The following BCR variants were observed in gnomAD, a reference collection of about 807,000 sequenced individuals.
BCR encodes the protein breakpoint cluster region protein.
Under a neutral mutation model 138.6 loss-of-function variants are expected in BCR, and 58 were observed. That is an observed-to-expected ratio of 0.42 (90% confidence interval 0.34 to 0.52). BCR has a LOEUF of 0.52. BCR is among the 20% of genes least tolerant of loss of function. The probability of loss-of-function intolerance (pLI) is 0.06; values close to 1 mark genes in which losing one functional copy is unlikely to be tolerated. For missense variants in BCR, 1,599 were observed against 1,727.2 expected, an observed-to-expected ratio of 0.93 and a Z score of 1.32; for synonymous variants, 786 against 730.1, an observed-to-expected ratio of 1.08 and a Z score of -1.23.
intron 1 of BCR, among the ~76,000 whole-genome samples, chr22:23,211,116 A>G (rs1218713440): frequency 6.6e-6 from 1 of 152,034 alleles, no homozygotes; most frequent in Admixed American, 6.6e-5. Context: ...GCCTCTGTGG[A>G]TTTGTCTTTT....
intron 1 of BCR, among the ~76,000 whole-genome samples, chr22:23,202,264 T>C (rs1369702598): frequency 2.6e-5 from 4 of 152,174 alleles, no homozygotes; most frequent in African/African-American, 4.8e-5. Context: ...AAGCAGCCAA[T>C]TTAATGGGTT....
At chr22:23,242,366 T>C (rs1438587419) in intron 1 of BCR, among the ~76,000 whole-genome samples, 3 of 152,128 alleles carry the variant, frequency 2.0e-5, no homozygotes, top group South Asian at 2.1e-4. Context: ...GGCTATTTTC[T>C]CCCCTGGTTC....
chr22:23,246,832 A>G (rs2073162948), intron 1 of BCR, among the ~76,000 whole-genome samples: 1 of 152,024 alleles, frequency 6.6e-6, no homozygotes, highest in Non-Finnish European at 1.5e-5. Context: ...ACCTCCCTGA[A>G]GCACTACGGG....
intron 4 of BCR, chr22:23,263,229 G>GTGC: frequency 2.0e-6 from 2 of 1,003,340 alleles, no homozygotes; most frequent in Non-Finnish European, 2.9e-6. Flanking sequence ...CCTGCCGGAA[G>GTGC]TGCTGCTGCT....
In BCR at chr22:23,224,416, C is replaced by T. The variant is rs10470285; in HGVS notation, c.1280-29383C>T. ...TGTGCCTCCAGGAGAGTCAAACTGC[C>T]GCCTTGCTCTGAGCCATCTCAAAGT... On this transcript the variant is annotated intron_variant, in intron 1 of 22. Coordinates refer to ENST00000305877, the MANE Select transcript of BCR (RefSeq NM_004327.4). Among the ~76,000 whole-genome samples the T allele has an allele frequency of 4.3e-3, 660 of 152,252 alleles. 5 individuals carry two copies. Among genetic ancestry groups the T allele is most frequent in the African/African-American group, 0.015 (628 of 41,530 alleles).
intron 8 of BCR, among the ~76,000 whole-genome samples, chr22:23,278,052 C>T (rs2073599441): frequency 1.3e-5 from 2 of 152,334 alleles, no homozygotes; most frequent in Admixed American, 1.3e-4. Context: ...GGGTGGCGCT[C>T]ATTTGTTTAG....
At chr22:23,269,490 T>G (rs2073484360) in intron 5 of BCR, among the ~76,000 whole-genome samples, 1 of 152,224 alleles carries the variant, frequency 6.6e-6, no homozygotes, top group Admixed American at 6.5e-5. Flanking sequence ...CTGTCACCCC[T>G]GGGCTTTGTT....
At chr22:23,289,870 G>A in intron 13 of BCR, 1 of 559,086 alleles carries the variant, frequency 1.8e-6, no homozygotes, top group Non-Finnish European at 3.2e-6. Flanking sequence ...CTAGTCACAA[G>A]GCTGCAGCAG....
chr22:23,212,466 C>T (rs1051651867), intron 1 of BCR, among the ~76,000 whole-genome samples: 1 of 152,250 alleles, frequency 6.6e-6, no homozygotes, highest in African/African-American at 2.4e-5. Flanking sequence ...ACACTGGCTT[C>T]TGGGAAGCTT....
intron 1 of BCR, among the ~76,000 whole-genome samples, chr22:23,243,709 C>T (rs886993439): frequency 2.7e-5 from 4 of 149,466 alleles, no homozygotes; most frequent in Non-Finnish European, 5.9e-5. Flanking sequence ...AGTGCAGTGG[C>T]GAGATCTCGG....
chr22:23,300,345 T>C (rs564202780), intron 16 of BCR, among the ~76,000 whole-genome samples: 1 of 152,364 alleles, frequency 6.6e-6, no homozygotes, highest in African/African-American at 2.4e-5. Context: ...CTTAGCAGCA[T>C]GTCCTCAAGG....
chr22:23,312,806 A>T (rs180805), intron 19 of BCR, 81 bp from the exon 20 acceptor site: 2 of 1,492,168 alleles, frequency 1.3e-6, no homozygotes, highest in Non-Finnish European at 1.8e-6. Context: ...TGGCAGGGAC[A>T]GTGCTTTAGC....
chr22:23,258,513 T>G (rs1441254249), intron 2 of BCR, among the ~76,000 whole-genome samples: 1 of 152,188 alleles, frequency 6.6e-6, no homozygotes, highest in Non-Finnish European at 1.5e-5. Context: ...AGGCAGGGGC[T>G]GTGCTGGGAC....
intron 1 of BCR, among the ~76,000 whole-genome samples, chr22:23,194,613 C>T (rs373381610): frequency 4.6e-5 from 7 of 151,810 alleles, no homozygotes; most frequent in Non-Finnish European, 8.8e-5. Context: ...GGGGTTTCAC[C>T]GTGTTAGCCA....
intron 16 of BCR, among the ~76,000 whole-genome samples, chr22:23,299,929 G>A (rs2073886209): frequency 6.6e-6 from 1 of 152,086 alleles, no homozygotes; most frequent in Non-Finnish European, 1.5e-5. Context: ...TTCAGAGTTT[G>A]GACTCCCACG....
chr22:23,201,285 G>A (rs1329040572), intron 1 of BCR, among the ~76,000 whole-genome samples: 1 of 152,152 alleles, frequency 6.6e-6, no homozygotes, highest in Non-Finnish European at 1.5e-5. Flanking sequence ...CTGGGGCTTG[G>A]GGTTCTCTTC....
In BCR at chr22:23,181,522, C is replaced by T. The variant is rs200623759; in HGVS notation, c.562C>T (p.Leu188=). 298 of 1,612,744 alleles carry T rather than the reference C, an allele frequency of 1.8e-4. 1 individual carries two copies. The highest frequency in any genetic ancestry group is 2.3e-4 in the Non-Finnish European group (275 of 1,179,868). ...VNVEFHHERG[L]VKVNDKEVSD... Reference sequence around the variant, plus strand: ...CGTCGAGTTTCACCACGAGCGCGGCCTGGTGAAGGTCAACGACAAAGAGGT... The same window carrying T: ...CGTCGAGTTTCACCACGAGCGCGGCTTGGTGAAGGTCAACGACAAAGAGGT... Residue 188 remains leucine (L), a synonymous_variant, in exon 1 of 23, where the codon CTG becomes TTG. Coordinates refer to ENST00000305877, the MANE Select transcript of BCR (RefSeq NM_004327.4).
At chr22:23,260,856 A>T (rs771925460) in intron 2 of BCR, 94 bp from the exon 3 acceptor site, 2 of 1,185,386 alleles carry the variant, frequency 1.7e-6, no homozygotes, top group African/African-American at 3.0e-5. Flanking sequence ...GTTTGTCCAG[A>T]GGTCAACAAG....
At chr22:23,240,706 T>A (rs1452718411) in intron 1 of BCR, among the ~76,000 whole-genome samples, 2 of 152,110 alleles carry the variant, frequency 1.3e-5, no homozygotes, top group Admixed American at 6.6e-5. Flanking sequence ...TGTACTGTTT[T>A]AGCCATTTTT....
Sources: gnomAD v4.1 joint callset for allele counts (sites outside exome capture counted in the v4.1 genomes callset) on GRCh38, gnomAD v4.1.1 for gene constraint, MANE v1.5 for transcripts, NCBI Gene and HGNC (gene_info 2026-07-23, HGNC 2026-07-21) for gene names.